PCDHA8: variants seen among roughly 807,000 people sequenced by gnomAD.
The protein encoded by PCDHA8 is protocadherin alpha-8.
PCDHA8 carries 53 observed loss-of-function variants against 61.8 expected under a neutral mutation model. The ratio of observed to expected loss-of-function variants is 0.86; its 90% CI spans 0.69 to 1.08. The LOEUF (loss-of-function observed/expected upper bound fraction) is 1.08, where lower values mean the gene tolerates loss of function less well. PCDHA8 is among the 50% of genes least tolerant of loss of function. The probability of loss-of-function intolerance (pLI) is 0.00; values close to 1 mark genes in which losing one functional copy is unlikely to be tolerated. For synonymous variants in PCDHA8, 618 were observed against 556.6 expected (o/e 1.11, Z -1.55); for missense variants, 1,293 against 1,245.0 (o/e 1.04, Z -0.58).
At chr5:140,981,001 C>A (rs2096914160) in intron 2 of PCDHA8, among the ~76,000 whole-genome samples, 1 of 151,906 alleles carries the variant, frequency 6.6e-6, no homozygotes, top group Non-Finnish European at 1.5e-5. Flanking sequence ...CTAGTAGGAT[C>A]CAGGAACACT....
At chr5:140,848,906 A>G (rs2150424072) in intron 1 of PCDHA8, 1 of 1,608,234 alleles carries the variant, frequency 6.2e-7, no homozygotes, top group African/African-American at 1.4e-5. Flanking sequence ...CAGCGACACA[A>G]AAGAATCTGT....
intron 1 of PCDHA8, chr5:140,968,908 A>G: frequency 6.2e-7 from 1 of 1,614,182 alleles, no homozygotes; most frequent in Non-Finnish European, 8.5e-7. Context: ...CATTAAGCAC[A>G]GTGTCTTTTA....
At chr5:140,869,526 G>C (rs1363521095) in intron 1 of PCDHA8, 1 of 1,614,194 alleles carries the variant, frequency 6.2e-7, no homozygotes, top group Non-Finnish European at 8.5e-7. Context: ...AAAAGCTGCT[G>C]ATTGCGGAAT....
At chr5:140,920,632 T>G (rs1054888668) in intron 1 of PCDHA8, among the ~76,000 whole-genome samples, 1 of 152,018 alleles carries the variant, frequency 6.6e-6, no homozygotes, top group South Asian at 2.1e-4. Context: ...GATCACAAGG[T>G]CAAGAGATTG....
chr5:140,927,482 C>G, intron 1 of PCDHA8: 1 of 1,614,086 alleles, frequency 6.2e-7, no homozygotes, highest in Non-Finnish European at 8.5e-7. Flanking sequence ...GAACAGCGCG[C>G]CACCCACCTG....
At chr5:140,941,253 T>TTCTTTCTTTCTC (rs1563187863) in intron 1 of PCDHA8, among the ~76,000 whole-genome samples, 4 of 64,962 alleles carry the variant, frequency 6.2e-5, no homozygotes, top group Non-Finnish European at 1.0e-4. Flanking sequence ...CTTTCTTTCT[T>TTCTTTCTTTCTC]TCTCTTTCTT....
At chr5:140,911,987 G>A (rs1554195079) in intron 1 of PCDHA8, among the ~76,000 whole-genome samples, 1 of 152,086 alleles carries the variant, frequency 6.6e-6, no homozygotes, top group Admixed American at 6.6e-5. Context: ...TGATCACAAG[G>A]TCCCACAATA....
In PCDHA8 at chr5:140,947,454, C is replaced by G. The variant is rs138457341; in HGVS notation, c.2395-31495C>G. 3.0e-4 allele frequency among the ~76,000 whole-genome samples: 45 copies of G among 151,700 alleles called. No individual in the cohort carries two copies. In the East Asian group the frequency reaches 8.3e-3, roughly 28 times the overall value. On this transcript the variant is annotated intron_variant, in intron 1 of 3. Coordinates refer to ENST00000531613, the MANE Select transcript of PCDHA8 (RefSeq NM_018911.3). ...AAAATCAGCTGTGAAATCCTCCAACCTTGTTCTACTTGTAAACATTGTTTT... is the reference window on the plus strand; with the variant it reads ...AAAATCAGCTGTGAAATCCTCCAACGTTGTTCTACTTGTAAACATTGTTTT...
chr5:140,921,345 A>C (rs1411062408), intron 1 of PCDHA8, among the ~76,000 whole-genome samples: 1 of 152,120 alleles, frequency 6.6e-6, no homozygotes, highest in African/African-American at 2.4e-5. Context: ...CACATAATAT[A>C]TTTGCCTATA....
intron 1 of PCDHA8, chr5:140,858,744 A>G: frequency 2.2e-6 from 1 of 461,862 alleles, no homozygotes; most frequent in South Asian, 3.0e-5. Flanking sequence ...TTTCATAATC[A>G]CTTTTCGTTA....
rs149782026 is a variant in PCDHA8, at chr5:140,944,645, G to A, written c.2395-34304G>A. ...TAGTGTTGTAAGCCAGTGTGGATTG[G>A]GAGTCCATACCCCTTATTTATCTAT... On this transcript the variant is annotated intron_variant, in intron 1 of 3. Coordinates refer to ENST00000531613, the MANE Select transcript of PCDHA8 (RefSeq NM_018911.3). Among the ~76,000 whole-genome samples, 728 of 152,260 alleles carry A rather than the reference G, an allele frequency of 4.8e-3. 7 individuals are homozygous for A. The highest frequency in any genetic ancestry group is 0.017 in the African/African-American group (702 of 41,552).
rs1365552111 is a variant in PCDHA8 at position 140,843,132 on chromosome 5, A to G, written c.1811A>G (p.Asn604Ser). ...VRAVDADSGY[N>S]AWLSYELQPA... ...GCAGTGGACGCCGACTCGGGCTACA[A>G]CGCGTGGCTTTCGTATGAGCTGCAG... is the stretch of plus-strand genomic sequence containing the variant. The change falls in exon 1 of 4, where the codon AAC (asparagine) becomes AGC (serine). Residue 604 changes from asparagine (N) to serine (S), a missense_variant. Physicochemically the swap from Asn to Ser is conservative, Grantham distance 46 (BLOSUM62 1). Coordinates refer to ENST00000531613, the MANE Select transcript of PCDHA8 (RefSeq NM_018911.3). 1 of 1,596,010 alleles carries G rather than the reference A, an allele frequency of 6.3e-7. No individual in the cohort carries two copies. Among genetic ancestry groups the G allele is most frequent in the Non-Finnish European group, 8.6e-7 (1 of 1,165,590 alleles).
intron 1 of PCDHA8, among the ~76,000 whole-genome samples, chr5:140,974,318 A>G (rs2096622244): frequency 6.6e-6 from 1 of 152,206 alleles, no homozygotes; most frequent in Admixed American, 6.5e-5. Context: ...GTGAGAGAGT[A>G]GCTGCTGTGC....
intron 1 of PCDHA8, chr5:140,868,109 A>G (rs1371639409): frequency 6.6e-6 from 1 of 152,124 alleles, no homozygotes; most frequent in Non-Finnish European, 1.5e-5. Flanking sequence ...AATTTATTTT[A>G]TAGTTGAAAA....
intron 3 of PCDHA8, among the ~76,000 whole-genome samples, chr5:140,985,949 C>T (rs1195801055): frequency 2.6e-5 from 4 of 152,032 alleles, no homozygotes; most frequent in African/African-American, 9.7e-5. Context: ...CTGTGTTAGC[C>T]AGGATGGTCT....
At chr5:140,931,189 C>A (rs2087353658) in intron 1 of PCDHA8, among the ~76,000 whole-genome samples, 1 of 152,112 alleles carries the variant, frequency 6.6e-6, no homozygotes, top group Non-Finnish European at 1.5e-5. Flanking sequence ...GAAATTGGTG[C>A]ACTACAATGC....
intron 1 of PCDHA8, among the ~76,000 whole-genome samples, chr5:140,889,560 T>C (rs2062271183): frequency 6.6e-6 from 1 of 152,204 alleles, no homozygotes. Context: ...TCTTCAGAAT[T>C]CTGCTTTCTG....
At chr5:140,972,540 T>C (rs1375467339) in intron 1 of PCDHA8, among the ~76,000 whole-genome samples, 1 of 152,148 alleles carries the variant, frequency 6.6e-6, no homozygotes, top group East Asian at 1.9e-4. Context: ...AAATCACTTG[T>C]GCAGTGAGGA....
At chr5:140,907,229 A>C (rs1562959472) in intron 1 of PCDHA8, among the ~76,000 whole-genome samples, 1 of 152,180 alleles carries the variant, frequency 6.6e-6, no homozygotes, top group Non-Finnish European at 1.5e-5. Flanking sequence ...AAGTATTGTC[A>C]CCTAGTTGAC....
Sources: allele counts gnomAD v4.1 joint callset (sites outside exome capture counted in the v4.1 genomes callset), GRCh38; gene constraint gnomAD v4.1.1; transcripts MANE v1.5; gene names NCBI Gene and HGNC (gene_info 2026-07-23, HGNC 2026-07-21).